GRM7: variants seen among roughly 807,000 people sequenced by gnomAD.
GRM7 encodes glutamate metabotropic receptor 7, also known as metabotropic glutamate receptor 7.
A neutral mutation model predicts 84.5 loss-of-function variants in GRM7; 35 were observed. That is an observed-to-expected ratio of 0.41 (90% CI 0.32 to 0.55). The LOEUF (loss-of-function observed/expected upper bound fraction) is 0.55. Ranked by LOEUF, GRM7 falls within the 20% of genes least tolerant of loss-of-function variation. GRM7 has a pLI of 0.19. For synonymous variants in GRM7, 487 were observed against 455.1 expected, an observed-to-expected ratio of 1.07 and a Z score of -0.89; for missense variants, 1,003 against 1,194.6, an observed-to-expected ratio of 0.84 and a Z score of 2.36.
chr3:7,667,426 T>G (rs1464305147), intron 8 of GRM7, among the ~76,000 whole-genome samples: 1 of 152,126 alleles, frequency 6.6e-6, no homozygotes, highest in African/African-American at 2.4e-5. Context: ...ACTTCGGTAT[T>G]TTATTTCTCT....
chr3:6,924,061 A>G (rs1467831592), intron 1 of GRM7, among the ~76,000 whole-genome samples: 4 of 152,166 alleles, frequency 2.6e-5, no homozygotes, highest in Non-Finnish European at 5.9e-5. Context: ...TGTGTACCTC[A>G]CTTGTTTTCT....
At chr3:7,631,641 A>T (rs1164352445) in intron 8 of GRM7, among the ~76,000 whole-genome samples, 6 of 152,120 alleles carry the variant, frequency 3.9e-5, no homozygotes. Context: ...TTTGCTCCAG[A>T]TAATTCATGG....
chr3:7,449,882 C>T (rs752547197), intron 5 of GRM7, among the ~76,000 whole-genome samples: 6 of 152,134 alleles, frequency 3.9e-5, no homozygotes, highest in African/African-American at 7.2e-5. Flanking sequence ...AACTTCTGTA[C>T]TCTGGAAGTG....
chr3:7,467,532 G>T (rs1261483285), intron 7 of GRM7, among the ~76,000 whole-genome samples: 1 of 152,148 alleles, frequency 6.6e-6, no homozygotes, highest in African/African-American at 2.4e-5. Context: ...GACATCACTG[G>T]ATGTCTGCTG....
chr3:7,531,938 G>A (rs1484003637), intron 7 of GRM7, among the ~76,000 whole-genome samples: 2 of 152,146 alleles, frequency 1.3e-5, no homozygotes, highest in Non-Finnish European at 2.9e-5. Context: ...TTGTCCATGG[G>A]TTTGTCATAA....
intron 1 of GRM7, among the ~76,000 whole-genome samples, chr3:6,943,516 T>A (rs753625704): frequency 1.3e-5 from 2 of 152,054 alleles, no homozygotes; most frequent in Non-Finnish European, 2.9e-5. Context: ...TATGTATAGG[T>A]CAATTTATAG....
At position 7,388,198 on chromosome 3, in the gene GRM7, T is replaced by C. The variant is rs76826521; in HGVS notation, c.1034-26825T>C. Among the ~76,000 whole-genome samples, 71 of 152,254 alleles carry C rather than the reference T, an allele frequency of 4.7e-4. 1 individual carries two copies. The East Asian group carries it at 0.013, about 28-fold the overall frequency. ...GTCTAAGAGCCTTTTGGCACAGTCT[T>C]AAGGGTTTTCTAGGCATAGAATCAT... On this transcript the variant is annotated intron_variant, in intron 4 of 9. Coordinates refer to ENST00000357716, the MANE Select transcript of GRM7 (RefSeq NM_000844.4).
chr3:7,540,892 G>A (rs891910370), intron 7 of GRM7, among the ~76,000 whole-genome samples: 39 of 152,180 alleles, frequency 2.6e-4, no homozygotes, highest in African/African-American at 8.2e-4. Flanking sequence ...AGAATGATAG[G>A]TATAGGCAAG....
At chr3:7,087,094 T>G (rs1698484191) in intron 1 of GRM7, among the ~76,000 whole-genome samples, 1 of 152,200 alleles carries the variant, frequency 6.6e-6, no homozygotes, top group South Asian at 2.1e-4. Context: ...CTCTCACTTT[T>G]TTTAGGGGTA....
At position 7,415,072 on chromosome 3, in the gene GRM7, T is replaced by C. The variant is rs1290661200; in HGVS notation, c.1083T>C (p.Asn361=). 3.1e-6 allele frequency: 5 copies of C among 1,612,630 alleles called. No homozygotes were observed. Among genetic ancestry groups the C allele is most frequent in the Non-Finnish European group, 4.2e-6 (5 of 1,178,908 alleles). The change falls in exon 5 of 10, where the codon AAT becomes AAC. Residue 361 remains asparagine, a synonymous_variant. Transcript: ENST00000357716. The stretch of plus-strand genomic sequence containing the variant: ...GTACACTTGAAAACAACAGAAGAAA[T>C]GTATGGTTTGCCGAATACTGGGAGG... The part of the protein sequence containing the change: ...TSRTLENNRR[N]VWFAEYWEEN...
intron 1 of GRM7, among the ~76,000 whole-genome samples, chr3:7,145,956 A>T (rs1694096269): frequency 6.6e-6 from 1 of 152,206 alleles, no homozygotes; most frequent in Admixed American, 6.5e-5. Flanking sequence ...AAATTAGATA[A>T]TGCTTGTGAC....
chr3:7,275,283 GT>G (rs1445645615), intron 2 of GRM7, among the ~76,000 whole-genome samples: 1 of 152,022 alleles, frequency 6.6e-6, no homozygotes, highest in Non-Finnish European at 1.5e-5. Flanking sequence ...CCTGAGTCTG[GT>G]TCTGATAGTC....
At chr3:7,519,313 G>T (rs1290216279) in intron 7 of GRM7, among the ~76,000 whole-genome samples, 1 of 151,104 alleles carries the variant, frequency 6.6e-6, no homozygotes, top group African/African-American at 2.4e-5. Flanking sequence ...AGTGAGCTGA[G>T]ATAGCACCAC....
intron 4 of GRM7, among the ~76,000 whole-genome samples, chr3:7,408,313 C>T (rs1414647273): frequency 6.6e-6 from 1 of 152,136 alleles, no homozygotes; most frequent in African/African-American, 2.4e-5. Flanking sequence ...TGCAACAGCC[C>T]TTTGGAGACA....
intron 8 of GRM7, among the ~76,000 whole-genome samples, chr3:7,660,055 A>G (rs1485900698): frequency 6.6e-6 from 1 of 152,230 alleles, no homozygotes; most frequent in Non-Finnish European, 1.5e-5. Context: ...AGGTAGATAA[A>G]ATATAGGATG....
chr3:7,277,532 CTG>C (rs1294685009), intron 2 of GRM7, among the ~76,000 whole-genome samples: 3 of 152,024 alleles, frequency 2.0e-5, no homozygotes, highest in Non-Finnish European at 4.4e-5. Context: ...AAATTAATAA[CTG>C]TGCAGTATAC....
rs35986412 is a variant in GRM7, at chr3:7,701,298, A to ATTTT, written c.2698+21020_2698+21023dup. ...TCATACAGAAGATACCTGTGGTTGC[A>ATTTT]TTTTTTTTTTTTTTTTTTTTGAGAC... is the stretch of plus-strand genomic sequence containing the variant. On this transcript the variant is annotated intron_variant, in intron 9 of 9. Transcript: ENST00000357716. 2.9e-3 allele frequency among the ~76,000 whole-genome samples: 345 copies of ATTTT among 120,466 alleles called. 7 individuals are homozygous for ATTTT. The highest frequency in any genetic ancestry group is 0.027 in the Middle Eastern group (6 of 220). The allele number at this position is 120,466 out of a possible 152,430, so 79.0% of individuals were successfully genotyped here. A position where few individuals can be genotyped will look rare whatever the true frequency, so the allele number is the denominator to read the frequency against.
chr3:7,460,099 T>TAAAAAAAAAAAAAAAAAAA (rs71066013), intron 6 of GRM7, among the ~76,000 whole-genome samples: 2 of 49,544 alleles, frequency 4.0e-5, no homozygotes, highest in Non-Finnish European at 3.3e-5. Context: ...CTTAAAATAG[T>TAAAAAAAAAAAAAAAAAAA]AAAAAAAAAA....
Position 7,661,794 on chromosome 3 carries a change from C to CAAAAAAAAAAAAAAAAAAAAAAAAA in GRM7, c.2452-18253_2452-18229dup, listed in dbSNP as rs71043686. 1.0e-3 allele frequency among the ~76,000 whole-genome samples: 29 copies of CAAAAAAAAAAAAAAAAAAAAAAAAA among 28,200 alleles called. 4 individuals carry two copies. Among genetic ancestry groups the CAAAAAAAAAAAAAAAAAAAAAAAAA allele is most frequent in the Admixed American group, 2.1e-3 (3 of 1,442 alleles). 18.5% of individuals were successfully genotyped at this position (28,200 alleles called of 152,430 possible). A position where few individuals can be genotyped will look rare whatever the true frequency, so the allele number is the denominator to read the frequency against. ...GGGCCACAGAGCGAGGTCTCCGTCTCAAAAAAAAAAAAAAAAAAAAAAAAA... is the reference window on the plus strand; with the variant it reads ...GGGCCACAGAGCGAGGTCTCCGTCTCAAAAAAAAAAAAAAAAAAAAAAAAAAAAAAAAAAAAAAAAAAAAAAAAAA... On this transcript the variant is annotated intron_variant, in intron 8 of 9. Transcript: ENST00000357716.
Sources: gnomAD v4.1 joint callset for allele counts (sites outside exome capture counted in the v4.1 genomes callset) on GRCh38, gnomAD v4.1.1 for gene constraint, MANE v1.5 for transcripts, NCBI Gene and HGNC (gene_info 2026-07-23, HGNC 2026-07-21) for gene names.